Variants in STARD9 observed in about 807,000 individuals in gnomAD.
STARD9 encodes stAR-related lipid transfer protein 9.
STARD9 carries 346 observed loss-of-function variants against 399.8 expected under a neutral mutation model. That is an observed-to-expected ratio of 0.87 (90% CI 0.79 to 0.95). STARD9 has a LOEUF of 0.95. STARD9 is among the 40% of genes least tolerant of loss of function. The pLI is 0.00. For missense variants in STARD9, 5,832 were observed against 5,667.5 expected, an observed-to-expected ratio of 1.03 and a Z score of -0.93; for synonymous variants, 2,203 against 2,143.5, an observed-to-expected ratio of 1.03 and a Z score of -0.77.
intron 3 of STARD9, among the ~76,000 whole-genome samples, chr15:42,593,161 A>T (rs2058434528): frequency 1.3e-5 from 2 of 152,162 alleles, no homozygotes; most frequent in Non-Finnish European, 2.9e-5. Flanking sequence ...AAGGCTCATG[A>T]TATTTTTCTG....
At position 42,685,741 on chromosome 15, in the gene STARD9, C is replaced by A; in HGVS notation, c.4163C>A (p.Ala1388Glu). 6.5e-7 allele frequency: 1 copy of A among 1,537,392 alleles called. No individual in the cohort carries two copies. Among genetic ancestry groups the A allele is most frequent in the Non-Finnish European group, 8.7e-7 (1 of 1,146,920 alleles). Residue 1388 changes from alanine to glutamate, a missense_variant, in exon 23 of 33, where the codon GCA becomes GAA. By Grantham distance (107) the Ala-to-Glu change is moderately radical. Coordinates refer to ENST00000290607, the MANE Select transcript of STARD9 (RefSeq NM_020759.3). ...ACTGAGGAACTAAAGCCATCAGATG[C>A]AGAAACGGTTCTGCCATATAGCTCC... ...PNTEELKPSDAETVLPYSSKL... is the reference protein window; with the variant it reads ...PNTEELKPSDEETVLPYSSKL...
intron 5 of STARD9, 36 bp downstream of exon 5, chr15:42,637,975 A>G (rs1369537084): frequency 4.6e-6 from 7 of 1,537,148 alleles, no homozygotes; most frequent in Non-Finnish European, 6.1e-6. Flanking sequence ...CTCTCAAAGT[A>G]GGTCTCTCTA....
chr15:42,676,057 G>A, intron 20 of STARD9, 82 bp downstream of exon 20: 1 of 891,392 alleles, frequency 1.1e-6, no homozygotes. Flanking sequence ...GGGTGGGGGT[G>A]GGGGGTGATT....
chr15:42,697,385 G>C (rs1456260191), intron 26 of STARD9, among the ~76,000 whole-genome samples: 1 of 152,122 alleles, frequency 6.6e-6, no homozygotes. Flanking sequence ...ACAGGTGTTA[G>C]CTACCATGCC....
chr15:42,710,010 T>C (rs2061175844), intron 26 of STARD9, among the ~76,000 whole-genome samples: 1 of 152,120 alleles, frequency 6.6e-6, no homozygotes, highest in African/African-American at 2.4e-5. Context: ...CTTTAATTAT[T>C]TGGAGTTCTT....
intron 3 of STARD9, among the ~76,000 whole-genome samples, chr15:42,627,277 C>T (rs2141882936): frequency 6.6e-6 from 1 of 152,038 alleles, no homozygotes; most frequent in South Asian, 2.1e-4. Context: ...GCCTGGGCAG[C>T]AGAGGGAAAC....
chr15:42,704,666 G>A (rs2061037702), intron 26 of STARD9, among the ~76,000 whole-genome samples: 1 of 152,190 alleles, frequency 6.6e-6, no homozygotes, highest in Non-Finnish European at 1.5e-5. Flanking sequence ...AAGACCCAGG[G>A]AGAGTTCCCC....
chr15:42,657,423 G>T (rs1362058982), intron 9 of STARD9, among the ~76,000 whole-genome samples: 1 of 151,198 alleles, frequency 6.6e-6, no homozygotes, highest in Non-Finnish European at 1.5e-5. Flanking sequence ...AATGATAAAG[G>T]GTCAGTCAGT....
rs79927491 is a variant in STARD9 at position 42,588,152 on chromosome 15, A to G, written c.234+2515A>G. The stretch of plus-strand genomic sequence containing the variant: ...ACATAAGAGGAATTAACTATTTTGT[A>G]TAACATTTGATAAATCAGTCATCTT... On this transcript the variant is annotated intron_variant, in intron 3 of 32. Transcript: ENST00000290607. Among the ~76,000 whole-genome samples the G allele has an allele frequency of 3.2e-3, 492 of 152,280 alleles. 6 individuals are homozygous for G. Among genetic ancestry groups the G allele is most frequent in the African/African-American group, 0.011 (468 of 41,546 alleles).
chr15:42,715,282 T>C (rs572371078), intron 26 of STARD9, among the ~76,000 whole-genome samples: 1 of 152,130 alleles, frequency 6.6e-6, no homozygotes, highest in African/African-American at 2.4e-5. Context: ...AAATGTTAGA[T>C]TAGGGTGGGT....
chr15:42,661,451 T>C (rs1337954997), intron 10 of STARD9, among the ~76,000 whole-genome samples: 1 of 151,778 alleles, frequency 6.6e-6, no homozygotes, highest in Admixed American at 6.6e-5. Flanking sequence ...GGACCTTTTC[T>C]TTTTTTGAGA....
In STARD9 at chr15:42,634,853, C is replaced by T. The variant is rs2059390742; in HGVS notation, c.235-3C>T. 2.0e-6 allele frequency: 3 copies of T among 1,498,022 alleles called. No homozygotes were observed. The highest frequency in any genetic ancestry group is 2.8e-5 in the African/African-American group (2 of 72,266). The allele number at this position is 1,498,022 out of a possible 1,614,324, so 92.8% of individuals were successfully genotyped here. A position where few individuals can be genotyped will look rare whatever the true frequency, so the allele number is the denominator to read the frequency against. On this transcript the variant is annotated splice_polypyrimidine_tract_variant and splice_region_variant and intron_variant, in intron 3 of 32. Transcript: ENST00000290607. ...GATATTTCCTCTGCTTTTGTTGTTA[C>T]AGGTTTTCCAGGATTTAGGGATGGA...
At position 42,690,062 on chromosome 15, in the gene STARD9, A is replaced by G. The variant is rs766636648; in HGVS notation, c.8484A>G (p.Ser2828=). ...TCDVQNSTSA[S]GPKQDHVQCP... Reference sequence around the variant, plus strand: ...ATGTTCAGAATTCTACAAGTGCCTCAGGGCCTAAGCAAGACCATGTCCAAT... The same window carrying G: ...ATGTTCAGAATTCTACAAGTGCCTCGGGGCCTAAGCAAGACCATGTCCAAT... Residue 2828 remains serine, a synonymous_variant, in exon 23 of 33, where the codon TCA becomes TCG. Transcript: ENST00000290607. 144 of 1,537,434 alleles carry G rather than the reference A, an allele frequency of 9.4e-5. No individual in the cohort carries two copies. The highest frequency in any genetic ancestry group is 1.2e-4 in the Non-Finnish European group (132 of 1,146,986).
chr15:42,699,672 C>A (rs985736820), intron 26 of STARD9, among the ~76,000 whole-genome samples: 10 of 151,770 alleles, frequency 6.6e-5, no homozygotes, highest in African/African-American at 2.2e-4. Context: ...GGATTACAGA[C>A]GTGAGCCACC....
chr15:42,683,260 G>A (rs2060474038), intron 22 of STARD9, among the ~76,000 whole-genome samples: 1 of 152,184 alleles, frequency 6.6e-6, no homozygotes, highest in Non-Finnish European at 1.5e-5. Context: ...CAAAGTACCA[G>A]GTGGGCTTTT....
chr15:42,635,016 T>C, intron 4 of STARD9, 44 bp downstream of exon 4: 1 of 1,140,596 alleles, frequency 8.8e-7, no homozygotes, highest in Non-Finnish European at 1.3e-6. Flanking sequence ...ACAGCAAGCC[T>C]GAACCTTGCA....
rs895029431 is a variant in STARD9, at chr15:42,684,012, A to T, written c.2538-104A>T. 25 of 1,273,008 alleles carry T rather than the reference A, an allele frequency of 2.0e-5. No individual in the cohort carries two copies. The African/African-American group carries it at 3.6e-4, about 18-fold the overall frequency. 78.9% of individuals were successfully genotyped at this position (1,273,008 alleles called of 1,614,324 possible). Reference sequence around the variant, plus strand: ...CCTGGAGAGCTTTTCTCTGGGTCTGAAGTCTATAGGAGACAGTGACACTGG... The same window carrying T: ...CCTGGAGAGCTTTTCTCTGGGTCTGTAGTCTATAGGAGACAGTGACACTGG... On this transcript the variant is annotated intron_variant, in intron 22 of 32. Coordinates refer to ENST00000290607, the MANE Select transcript of STARD9 (RefSeq NM_020759.3).
chr15:42,583,682 A>G (rs2058218682), intron 2 of STARD9, among the ~76,000 whole-genome samples: 1 of 152,106 alleles, frequency 6.6e-6, no homozygotes, highest in South Asian at 2.1e-4. Flanking sequence ...TTGAAAGTAA[A>G]CTTGGGATGT....
chr15:42,715,477 C>CT (rs2061333103), intron 26 of STARD9, among the ~76,000 whole-genome samples: 1 of 151,570 alleles, frequency 6.6e-6, no homozygotes, highest in Non-Finnish European at 1.5e-5. Context: ...GCCCAGGAGT[C>CT]TAAGACCAAC....
Sources: allele counts gnomAD v4.1 joint callset (sites outside exome capture counted in the v4.1 genomes callset), GRCh38; gene constraint gnomAD v4.1.1; transcripts MANE v1.5; gene names NCBI Gene and HGNC (gene_info 2026-07-23, HGNC 2026-07-21).